The following KRT33B variants were observed in gnomAD, a reference collection of about 807,000 sequenced individuals.
KRT33B encodes keratin, type I cuticular Ha3-II.
Under a neutral mutation model 42.7 loss-of-function variants are expected in KRT33B, and 37 were observed. The ratio of observed to expected loss-of-function variants is 0.87; its 90% CI spans 0.67 to 1.14. The LOEUF is 1.14. KRT33B is among the 50% of genes most tolerant of loss of function. KRT33B has a pLI of 0.00. For missense variants in KRT33B, 523 were observed against 515.1 expected (o/e 1.02, Z -0.15); for synonymous variants, 237 against 221.2 (o/e 1.07, Z -0.63).
intron 1 of KRT33B, 73 bp downstream of exon 1, chr17:41,369,329 TC>T: frequency 1.3e-6 from 2 of 1,560,856 alleles, no homozygotes; most frequent in Non-Finnish European, 1.7e-6. Flanking sequence ...CAGACTTAGA[TC>T]CATTCACAGT....
intron 1 of KRT33B, 88 bp from the exon 2 acceptor site, chr17:41,368,078 C>T: frequency 7.9e-7 from 1 of 1,259,238 alleles, no homozygotes; most frequent in South Asian, 1.2e-5. Flanking sequence ...AGCCACATTC[C>T]TCCCAAATAG....
In KRT33B at chr17:41,365,665, G is replaced by T. The variant is rs1158171034; in HGVS notation, c.589-112C>A. On this transcript the variant is annotated intron_variant, in intron 3 of 6. Transcript: ENST00000251646. ...TTGCATTGCAGCTTAGGAAACATGA[G>T]TTGAAGCCCAGCTGTCACCTCTGGA... The T allele has an allele frequency of 4.4e-6, 6 of 1,375,740 alleles. No homozygotes were observed. In the East Asian group the frequency reaches 1.0e-4, roughly 23 times the overall value. 85.2% of individuals were successfully genotyped at this position (1,375,740 alleles called of 1,614,324 possible).
At position 41,369,632 on chromosome 17, in the gene KRT33B, T is replaced by C; in HGVS notation, c.119A>G (p.Asn40Ser). 6.2e-7 allele frequency: 1 copy of C among 1,613,710 alleles called. No individual in the cohort carries two copies. Among genetic ancestry groups the C allele is most frequent in the South Asian group, 1.1e-5 (1 of 91,068 alleles). Reference protein sequence around the residue: ...TLPGACNIPANVSNCNWFCEG... With the variant: ...TLPGACNIPASVSNCNWFCEG... ...GCAGAACCAGTTGCAGTTGCTCACA[T>C]TGGCAGGGATGTTGCAGGCCCCGGG... Residue 40 changes from asparagine (N) to serine (S), a missense_variant, in exon 1 of 7, where the codon AAT becomes AGT. Transcript: ENST00000251646.
chr17:41,364,780 T>C lies in KRT33B; in HGVS notation c.1096A>G (p.Lys366Glu). ...GGGTGCCGTCCGCCAGGTACTCACT[T>C]GCAGTCCTCGCTCTCCAGCAGGCTC... ...YRSLLESEDCKLPSNPCATTN... is the reference protein window; with the variant it reads ...YRSLLESEDCELPSNPCATTN... Residue 366 changes from lysine to glutamate, a missense_variant and splice_region_variant, in exon 6 of 7, where the codon AAG becomes GAG. By Grantham distance (56) the Lys-to-Glu change is moderately conservative. Transcript: ENST00000251646. 1 of 1,612,636 alleles carries C rather than the reference T, an allele frequency of 6.2e-7. No homozygotes were observed. Among genetic ancestry groups the C allele is most frequent in the South Asian group, 1.1e-5 (1 of 91,060 alleles).
In KRT33B at chr17:41,363,653, A is replaced by G; in HGVS notation, c.*183T>C. 1 of 495,164 alleles carries G rather than the reference A, an allele frequency of 2.0e-6. No individual in the cohort carries two copies. Among genetic ancestry groups the G allele is most frequent in the East Asian group, 3.1e-5 (1 of 32,746 alleles). The allele number at this position is 495,164 out of a possible 1,614,324, so 30.7% of individuals were successfully genotyped here. On this transcript the variant is annotated 3_prime_UTR_variant, in exon 7 of 7. Coordinates refer to ENST00000251646, the MANE Select transcript of KRT33B (RefSeq NM_002279.5). ...TACAGGAGAGGGACCTGGGGTGAGG[A>G]GGATCAAGTAGCCCTAGGCTCAGAG...
chr17:41,365,231 C>A lies in KRT33B; in HGVS notation c.820G>T (p.Glu274Ter). ...QLQSYQAEII[E>*]LRRTVNALEI... ...AGGGCATTGACTGTGCGTCTCAGCT[C>A]GATGATCTCCGCCTGGTAGGACTGC... Residue 274 changes from glutamate (E) to a stop codon, truncating the protein, a stop_gained, in exon 5 of 7, where the codon GAG becomes TAG. Coordinates refer to ENST00000251646, the MANE Select transcript of KRT33B (RefSeq NM_002279.5). LOFTEE classifies it high-confidence loss of function. 3 of 1,612,008 alleles carry A rather than the reference C, an allele frequency of 1.9e-6. No individual in the cohort carries two copies. The highest frequency in any genetic ancestry group is 1.1e-5 in the South Asian group (1 of 91,028).
intron 2 of KRT33B, 145 bp from the exon 3 acceptor site, chr17:41,366,771 A>G: frequency 1.3e-6 from 1 of 762,800 alleles, no homozygotes; most frequent in Non-Finnish European, 2.0e-6. Context: ...TCCTGTACTG[A>G]GTGAGAAGGC....
intron 6 of KRT33B, 26 bp downstream of exon 6, chr17:41,364,753 A>G (rs2017671633): frequency 1.2e-6 from 2 of 1,611,948 alleles, no homozygotes; most frequent in Admixed American, 1.7e-5. Flanking sequence ...TGTCCCTTGC[A>G]GGGGTGCCGT....
rs1395100639 is a variant in KRT33B, at chr17:41,363,618, T to C, written c.*218A>G. 2.4e-6 allele frequency: 1 copy of C among 418,550 alleles called. No individual in the cohort carries two copies. Among genetic ancestry groups the C allele is most frequent in the Non-Finnish European group, 4.2e-6 (1 of 236,394 alleles). The allele number at this position is 418,550 out of a possible 1,614,324, so 25.9% of individuals were successfully genotyped here. The stretch of plus-strand genomic sequence containing the variant: ...AGCTCCAACCTCTGACCATCAGAAC[T>C]CAGACTGACTACAGGAGAGGGACCT... On this transcript the variant is annotated 3_prime_UTR_variant, in exon 7 of 7. Coordinates refer to ENST00000251646, the MANE Select transcript of KRT33B (RefSeq NM_002279.5).
chr17:41,367,924 C>T lies in KRT33B; in HGVS notation c.415G>A (p.Asp139Asn), dbSNP rs573272463. Residue 139 changes from aspartate to asparagine, a missense_variant, in exon 2 of 7, where the codon GAT (aspartate) becomes AAT (asparagine). Asp to Asn is a conservative substitution (Grantham distance 23, BLOSUM62 1). Transcript: ENST00000251646. ...AAATCTTACTTGGTTCTGAAGTCAT[C>T]TGCAGCCAGCTTGGCATTGTCGATC... Reference protein sequence around the residue: ...VQIDNAKLAADDFRTKYQTEQ... With the variant: ...VQIDNAKLAANDFRTKYQTEQ... 316 of 1,612,978 alleles carry T rather than the reference C, an allele frequency of 2.0e-4. 2 individuals carry two copies. The South Asian group carries it at 2.7e-3, about 14-fold the overall frequency.
rs371896942 is a variant in KRT33B, at chr17:41,369,486, G to T, written c.265C>A (p.Arg89=). Residue 89 remains arginine (R), a synonymous_variant, in exon 1 of 7, where the codon CGG becomes AGG. Transcript: ENST00000251646. The part of the protein sequence containing the change: ...RDNAELENLI[R]ERSQQQEPLL... ...GGCTCCTGCTGCTGAGACCGCTCCC[G>T]GATGAGGTTCTCCAGCTCCGCGTTG... is the stretch of plus-strand genomic sequence containing the variant. 6.2e-7 allele frequency: 1 copy of T among 1,613,864 alleles called. No homozygotes were observed. Among genetic ancestry groups the T allele is most frequent in the African/African-American group, 1.3e-5 (1 of 74,708 alleles).
At chr17:41,368,786 C>A (rs1428116203) in intron 1 of KRT33B, among the ~76,000 whole-genome samples, 1 of 151,324 alleles carries the variant, frequency 6.6e-6, no homozygotes, top group Non-Finnish European at 1.5e-5. Context: ...CCCACTCAGA[C>A]ATTGCCTCTT....
At position 41,369,386 on chromosome 17, in the gene KRT33B, G is replaced by T; in HGVS notation, c.348+17C>A. ...AAGTAGTTCATTAAGCTGGCAGTGT[G>T]GTGCCCACCTCCTCACCTTCTGCTG... On this transcript the variant is annotated intron_variant, in intron 1 of 6. Transcript: ENST00000251646. 1 of 1,611,816 alleles carries T rather than the reference G, an allele frequency of 6.2e-7. No homozygotes were observed. Among genetic ancestry groups the T allele is most frequent in the Non-Finnish European group, 8.5e-7 (1 of 1,178,952 alleles).
Position 41,369,716 on chromosome 17 carries a change from C to T in KRT33B, c.35G>A (p.Cys12Tyr). Residue 12 changes from cysteine (C) to tyrosine (Y), a missense_variant, in exon 1 of 7, where the codon TGC (cysteine) becomes TAC (tyrosine). Physicochemically the swap from Cys to Tyr is radical, Grantham distance 194. Coordinates refer to ENST00000251646, the MANE Select transcript of KRT33B (RefSeq NM_002279.5). Reference sequence around the variant, plus strand: ...GGGCCGGGAGGAGCAGCTGGTGCGGCAGCTCAGGCTGGGCAGGCAGAAGTT... The same window carrying T: ...GGGCCGGGAGGAGCAGCTGGTGCGGTAGCTCAGGCTGGGCAGGCAGAAGTT... ...PYNFCLPSLS[C>Y]RTSCSSRPCV... 1.2e-6 allele frequency: 2 copies of T among 1,613,858 alleles called. No individual in the cohort carries two copies. The highest frequency in any genetic ancestry group is 1.7e-6 in the Non-Finnish European group (2 of 1,179,840).
chr17:41,368,948 T>C (rs865814844), intron 1 of KRT33B, among the ~76,000 whole-genome samples: 4 of 151,524 alleles, frequency 2.6e-5, no homozygotes, highest in Non-Finnish European at 5.9e-5. Context: ...CTGTAGATAT[T>C]GCTGGAGTCA....
Position 41,365,244 on chromosome 17 carries a change from C to T in KRT33B, c.807G>A (p.Gln269=). The T allele has an allele frequency of 1.2e-6, 2 of 1,611,820 alleles. No homozygotes were observed. Among genetic ancestry groups the T allele is most frequent in the Non-Finnish European group, 1.7e-6 (2 of 1,180,006 alleles). The change falls in exon 5 of 7, where the codon CAG becomes CAA. Residue 269 remains glutamine (Q), a synonymous_variant. Transcript: ENST00000251646. The part of the protein sequence containing the change: ...VSSSEQLQSY[Q]AEIIELRRTV... ...TGCGTCTCAGCTCGATGATCTCCGC[C>T]TGGTAGGACTGCAGCTGCTCCGAGC...
At chr17:41,367,768 G>C in intron 2 of KRT33B, 140 bp downstream of exon 2, 1 of 663,616 alleles carries the variant, frequency 1.5e-6, no homozygotes, top group South Asian at 2.1e-5. Flanking sequence ...AAGAGGCTTT[G>C]ACATTTAACC....
intron 1 of KRT33B, among the ~76,000 whole-genome samples, chr17:41,368,576 T>C (rs1361074556): frequency 6.6e-6 from 1 of 151,282 alleles, no homozygotes; most frequent in African/African-American, 2.5e-5. Context: ...AAGGAGACTG[T>C]CTTACTCAGT....
rs1483789000 is a variant in KRT33B, at chr17:41,368,930, C to T, written c.348+473G>A. ...ACACATGGCTGCTCTAGAGGATGGTCCATGTGTCTGTAGATATTGCTGGAG... is the reference window on the plus strand; with the variant it reads ...ACACATGGCTGCTCTAGAGGATGGTTCATGTGTCTGTAGATATTGCTGGAG... On this transcript the variant is annotated intron_variant, in intron 1 of 6. Transcript: ENST00000251646. Among the ~76,000 whole-genome samples, 4 of 151,392 alleles carry T rather than the reference C, an allele frequency of 2.6e-5. 1 individual carries two copies. Among genetic ancestry groups the T allele is most frequent in the African/African-American group, 9.8e-5 (4 of 40,672 alleles).
Sources: gnomAD v4.1 joint callset for allele counts (sites outside exome capture counted in the v4.1 genomes callset) on GRCh38, gnomAD v4.1.1 for gene constraint, MANE v1.5 for transcripts, NCBI Gene and HGNC (gene_info 2026-07-23, HGNC 2026-07-21) for gene names.